Variants in TRIO observed in about 807,000 individuals in gnomAD.
TRIO encodes triple functional domain protein.
A neutral mutation model predicts 351.9 loss-of-function variants in TRIO; 58 were observed. The ratio of observed to expected loss-of-function variants is 0.16; its 90% CI spans 0.13 to 0.21. The LOEUF (loss-of-function observed/expected upper bound fraction) is 0.21, where lower values mean the gene tolerates loss of function less well. TRIO is among the 10% of genes least tolerant of loss of function. The pLI is 1.00. For synonymous variants in TRIO, 1,758 were observed against 1,595.7 expected, an observed-to-expected ratio of 1.10 and a Z score of -2.42; for missense variants, 3,201 against 4,027.8, an observed-to-expected ratio of 0.79 and a Z score of 5.56.
rs930862272 is a variant in TRIO, at chr5:14,286,084, C to T, written c.348-787C>T. On this transcript the variant is annotated intron_variant, in intron 3 of 56. Coordinates refer to ENST00000344204, the MANE Select transcript of TRIO (RefSeq NM_007118.4). The surrounding 1 kb of genome is among the most constrained non-coding windows in gnomAD (Gnocchi z 4.4). ...GGTTGAGATTTAATACAATTAGAAG[C>T]TGGCACTTTTTTTTTTTAAGTGCAA... is the stretch of plus-strand genomic sequence containing the variant. Among the ~76,000 whole-genome samples the T allele has an allele frequency of 6.6e-6, 1 of 151,918 alleles. No homozygotes were observed. The highest frequency in any genetic ancestry group is 6.6e-5 in the Admixed American group (1 of 15,258).
chr5:14,194,511 G>A (rs1256818586), intron 1 of TRIO, among the ~76,000 whole-genome samples: 1 of 152,148 alleles, frequency 6.6e-6, no homozygotes, highest in African/African-American at 2.4e-5. Flanking sequence ...TAGGTTGCTG[G>A]ATATCTCTAG....
chr5:14,330,968 A>G, intron 10 of TRIO, 68 bp downstream of exon 10: 3 of 1,598,344 alleles, frequency 1.9e-6, no homozygotes, highest in Non-Finnish European at 2.6e-6. Flanking sequence ...TTACAGTTTT[A>G]ACCACATTTG....
chr5:14,179,611 AT>A lies in TRIO; in HGVS notation c.157+35741del, dbSNP rs60266582. Among the ~76,000 whole-genome samples the A allele has an allele frequency of 2.8e-3, 400 of 143,654 alleles. 9 individuals carry two copies. In the South Asian group the frequency reaches 0.051, roughly 18 times the overall value. 94.2% of individuals were successfully genotyped at this position (143,654 alleles called of 152,430 possible). A position where few individuals can be genotyped will look rare whatever the true frequency, so the allele number is the denominator to read the frequency against. Reference sequence around the variant, plus strand: ...ATCACGAAGCCCAGCTCAGTTTTTGATTTTTTTTTTTTCTTTTGGTAGCAGT... The same window carrying A: ...ATCACGAAGCCCAGCTCAGTTTTTGATTTTTTTTTTTCTTTTGGTAGCAGT... On this transcript the variant is annotated intron_variant, in intron 1 of 56. Transcript: ENST00000344204.
chr5:14,349,324 T>G (rs1742813885), intron 11 of TRIO, among the ~76,000 whole-genome samples: 1 of 151,670 alleles, frequency 6.6e-6, no homozygotes, highest in African/African-American at 2.4e-5. Flanking sequence ...TATATGTGTG[T>G]GCACGCACAT....
intron 49 of TRIO, among the ~76,000 whole-genome samples, chr5:14,494,168 A>G (rs1756702587): frequency 6.6e-6 from 1 of 152,222 alleles, no homozygotes; most frequent in South Asian, 2.1e-4. Flanking sequence ...CATGCTAATT[A>G]TCATCACACC....
At chr5:14,413,085 G>A (rs1050486803) in intron 33 of TRIO, among the ~76,000 whole-genome samples, 2 of 152,206 alleles carry the variant, frequency 1.3e-5, no homozygotes, top group Non-Finnish European at 2.9e-5. Context: ...CTATTGGCCG[G>A]CATTGCTGCT....
Position 14,452,039 on chromosome 5 carries a change from G to T in TRIO, c.5204-8980G>T, listed in dbSNP as rs149178913. ...GAGCAGGGCATCCGTGGGTGGCCCT[G>T]TCTCATCGGAAACGCCCTGGCTGTC... is the stretch of plus-strand genomic sequence containing the variant. On this transcript the variant is annotated intron_variant, in intron 34 of 56. Transcript: ENST00000344204. Among the ~76,000 whole-genome samples the T allele has an allele frequency of 3.2e-3, 489 of 152,360 alleles. 1 individual carries two copies. The highest frequency in any genetic ancestry group is 0.011 in the African/African-American group (448 of 41,584).
intron 1 of TRIO, among the ~76,000 whole-genome samples, chr5:14,250,244 G>C (rs895571359): frequency 6.6e-6 from 1 of 152,138 alleles, no homozygotes; most frequent in African/African-American, 2.4e-5. Context: ...CCAGCATGCC[G>C]TCACTGTCTT....
intron 1 of TRIO, among the ~76,000 whole-genome samples, chr5:14,153,173 C>T (rs914731773): frequency 2.6e-5 from 4 of 152,178 alleles, no homozygotes; most frequent in Admixed American, 6.5e-5. Flanking sequence ...GCAGAGTGGA[C>T]GATGGAGGCT....
intron 23 of TRIO, among the ~76,000 whole-genome samples, 176 bp from the exon 24 acceptor site, chr5:14,388,437 T>A (rs954631088): frequency 6.6e-6 from 1 of 152,204 alleles, no homozygotes; most frequent in Admixed American, 6.5e-5. Flanking sequence ...CAGAAATCTT[T>A]TTTTCCCCTT....
At chr5:14,177,339 A>AAT (rs562156020) in intron 1 of TRIO, among the ~76,000 whole-genome samples, 164 of 152,184 alleles carry the variant, frequency 1.1e-3, no homozygotes, top group Non-Finnish European at 1.7e-3. Flanking sequence ...ATGTTATGAA[A>AAT]ATCTTCTTAT....
At chr5:14,360,310 C>G (rs1166993300) in intron 13 of TRIO, among the ~76,000 whole-genome samples, 1 of 152,262 alleles carries the variant, frequency 6.6e-6, no homozygotes, top group Non-Finnish European at 1.5e-5. Context: ...GAGGAGCTCT[C>G]TTTTTTGATA....
In TRIO at chr5:14,498,201, C is replaced by A. The variant is rs1366011526; in HGVS notation, c.8160C>A (p.Gly2720=). 3 of 1,614,212 alleles carry A rather than the reference C, an allele frequency of 1.9e-6. No individual in the cohort carries two copies. In the South Asian group the frequency reaches 3.3e-5, roughly 18 times the overall value. ...CCAAAGCCTCAATTACCTGGAAGGGCCCTGAACACAACACCTTGAACAACG... is the reference window on the plus strand; with the variant it reads ...CCAAAGCCTCAATTACCTGGAAGGGACCTGAACACAACACCTTGAACAACG... ...GRPKASITWK[G]PEHNTLNNDG... The change falls in exon 52 of 57, where the codon GGC becomes GGA. Residue 2720 remains glycine (G), a synonymous_variant. Coordinates refer to ENST00000344204, the MANE Select transcript of TRIO (RefSeq NM_007118.4).
intron 56 of TRIO, among the ~76,000 whole-genome samples, 153 bp downstream of exon 56, chr5:14,507,413 C>CTA (rs1757774856): frequency 6.6e-6 from 1 of 151,108 alleles, no homozygotes; most frequent in Non-Finnish European, 1.5e-5. Context: ...TTGCTAATCT[C>CTA]TCTCTCTAAG....
intron 2 of TRIO, among the ~76,000 whole-genome samples, chr5:14,271,455 C>T (rs1338782318): frequency 1.3e-5 from 2 of 152,134 alleles, no homozygotes; most frequent in African/African-American, 4.8e-5. Flanking sequence ...TCTTTGAGGC[C>T]CTGGCCCGCC....
At chr5:14,425,873 G>A (rs934780101) in intron 34 of TRIO, among the ~76,000 whole-genome samples, 1 of 152,168 alleles carries the variant, frequency 6.6e-6, no homozygotes, top group Non-Finnish European at 1.5e-5. Flanking sequence ...CTCGAAAACT[G>A]TCAGCAATAA....
rs76261447 is a variant in TRIO at position 14,389,216 on chromosome 5, A to C, written c.3949-73A>C. ...TTATACATTAACTCTGTGTGTTTAC[A>C]GATGTCAGAAACAGCTGTTTCTTGA... On this transcript the variant is annotated intron_variant, in intron 24 of 56. Transcript: ENST00000344204. 1,399 of 1,119,284 alleles carry C rather than the reference A, an allele frequency of 1.2e-3. 10 individuals are homozygous for C. In the African/African-American group the frequency reaches 0.018, roughly 15 times the overall value. 69.3% of individuals were successfully genotyped at this position (1,119,284 alleles called of 1,614,324 possible).
At chr5:14,229,428 T>G (rs1274684689) in intron 1 of TRIO, among the ~76,000 whole-genome samples, 1 of 152,214 alleles carries the variant, frequency 6.6e-6, no homozygotes, top group Non-Finnish European at 1.5e-5. Context: ...GCAGTACTGT[T>G]GTAAGGCCTG....
intron 1 of TRIO, among the ~76,000 whole-genome samples, chr5:14,260,677 T>A (rs1035985825): frequency 1.3e-5 from 2 of 152,242 alleles, no homozygotes; most frequent in African/African-American, 4.8e-5. Flanking sequence ...ATTTACTTTA[T>A]ATTCTATATT....
Sources: allele counts gnomAD v4.1 joint callset (sites outside exome capture counted in the v4.1 genomes callset), GRCh38; gene constraint gnomAD v4.1.1; non-coding constraint Gnocchi (gnomAD v3.1); transcripts MANE v1.5; gene names NCBI Gene and HGNC (gene_info 2026-07-23, HGNC 2026-07-21).